CTNS: variants seen among roughly 807,000 people sequenced by gnomAD.
CTNS encodes the protein cystinosin, lysosomal cystine transporter, also known as cystinosin.
In CTNS, 27 loss-of-function variants were observed where a neutral mutation model predicts 43.7. The ratio of observed to expected loss-of-function variants is 0.62; its 90% CI spans 0.46 to 0.85. CTNS has a LOEUF of 0.85. CTNS is among the 40% of genes least tolerant of loss of function. CTNS has a pLI of 0.00. For synonymous variants in CTNS, 187 were observed against 190.6 expected (o/e 0.98, Z 0.16); for missense variants, 457 against 475.4 (o/e 0.96, Z 0.36).
In CTNS at chr17:3,656,747, C is replaced by T. The variant is rs150428029; in HGVS notation, c.633C>T (p.His211=). 20 of 1,613,422 alleles carry T rather than the reference C, an allele frequency of 1.2e-5. No individual in the cohort carries two copies. Among genetic ancestry groups the T allele is most frequent in the African/African-American group, 1.2e-4 (9 of 74,890 alleles). The change falls in exon 9 of 12, where the codon CAC becomes CAT. Residue 211 remains histidine (H), a synonymous_variant. Coordinates refer to ENST00000046640, the MANE Select transcript of CTNS (RefSeq NM_004937.3). ...VNSNDVFFSL[H]AVVLTLIIIV... ...GCAACGACGTCTTCTTCAGCCTGCA[C>T]GCGGTTGTCCTCACGCTGATCATCA...
At chr17:3,645,440 G>A (rs754050972) in intron 3 of CTNS, among the ~76,000 whole-genome samples, 3 of 152,202 alleles carry the variant, frequency 2.0e-5, no homozygotes, top group Non-Finnish European at 4.4e-5. Context: ...CTGGGTAGCA[G>A]AGCCTGGCCT....
chr17:3,637,758 C>A (rs916961746), intron 2 of CTNS, among the ~76,000 whole-genome samples: 4 of 152,140 alleles, frequency 2.6e-5, no homozygotes, highest in African/African-American at 7.2e-5. Context: ...TGAGCCACCG[C>A]GCCCAGCCTA....
At chr17:3,639,084 A>T (rs991354613) in intron 2 of CTNS, among the ~76,000 whole-genome samples, 2 of 152,078 alleles carry the variant, frequency 1.3e-5, no homozygotes, top group African/African-American at 4.8e-5. Context: ...GCCTTGGGGA[A>T]ACTGAAATCA....
chr17:3,650,956 C>T (rs1267545833), intron 5 of CTNS, among the ~76,000 whole-genome samples: 3 of 152,030 alleles, frequency 2.0e-5, no homozygotes. Flanking sequence ...GCGCCCACCA[C>T]CAGGCCCAGC....
At chr17:3,645,797 T>A (rs923624794) in intron 3 of CTNS, among the ~76,000 whole-genome samples, 8 of 150,322 alleles carry the variant, frequency 5.3e-5, no homozygotes, top group Non-Finnish European at 8.9e-5. Context: ...GAGGCAGAGG[T>A]TGCAGTGAGC....
At chr17:3,637,742 CA>C (rs1203509729) in intron 2 of CTNS, among the ~76,000 whole-genome samples, 5 of 152,298 alleles carry the variant, frequency 3.3e-5, no homozygotes, top group South Asian at 4.1e-4. Flanking sequence ...GCTGGGATGA[CA>C]GGCGTGAGCC....
chr17:3,655,086 A>C lies in CTNS; in HGVS notation c.314A>C (p.His105Pro). The C allele has an allele frequency of 6.2e-7, 1 of 1,613,786 alleles. No homozygotes were observed. The highest frequency in any genetic ancestry group is 8.5e-7 in the Non-Finnish European group (1 of 1,179,824). The change falls in exon 6 of 12, where the codon CAC (histidine) becomes CCC (proline). Residue 105 changes from histidine to proline, a missense_variant. Transcript: ENST00000046640. ...CTTACTGTTTATCTACATGGAAATC[A>C]CTCCAATCAGACCGGGTAGGCTGGC... ...GQLTVYLHGN[H>P]SNQTGPRIRF...
chr17:3,657,879 G>A, intron 9 of CTNS, 126 bp from the exon 10 acceptor site: 3 of 1,024,948 alleles, frequency 2.9e-6, no homozygotes, highest in Non-Finnish European at 4.5e-6. Context: ...CCTTGCAGGG[G>A]CTCCTTCAAG....
chr17:3,656,693 A>G lies in CTNS; in HGVS notation c.579A>G (p.Lys193=). 2 of 1,612,886 alleles carry G rather than the reference A, an allele frequency of 1.2e-6. No individual in the cohort carries two copies. The highest frequency in any genetic ancestry group is 1.7e-6 in the Non-Finnish European group (2 of 1,179,802). ...VPYIKEQFLL[K]YPNGVNPVNS... is the part of the protein sequence containing the mutation. The stretch of plus-strand genomic sequence containing the variant: ...CCAAACAGGAGCAGTTTCTCCTCAA[A>G]TACCCCAACGGAGTGAACCCCGTGA... Residue 193 remains lysine, a synonymous_variant, in exon 9 of 12, where the codon AAA becomes AAG. Transcript: ENST00000046640.
chr17:3,637,669 G>T (rs1440382945), intron 2 of CTNS, among the ~76,000 whole-genome samples: 1 of 152,100 alleles, frequency 6.6e-6, no homozygotes, highest in East Asian at 1.9e-4. Context: ...GATTCACCAT[G>T]TTGGCCAGGC....
chr17:3,656,012 C>A (rs996083578), intron 7 of CTNS: 1 of 316,552 alleles, frequency 3.2e-6, no homozygotes. Context: ...TTCCCCGTGG[C>A]CTGGGAGCCC....
chr17:3,638,748 C>T (rs2075602738), intron 2 of CTNS, among the ~76,000 whole-genome samples: 1 of 152,176 alleles, frequency 6.6e-6, no homozygotes. Context: ...GAATCCTGAA[C>T]TTGAGGCCAC....
chr17:3,644,024 T>C (rs181550590), intron 3 of CTNS, among the ~76,000 whole-genome samples: 7 of 152,126 alleles, frequency 4.6e-5, no homozygotes, highest in Non-Finnish European at 8.8e-5. Context: ...CAGGATGGTG[T>C]TGTGACTCAT....
At position 3,660,936 on chromosome 17, in the gene CTNS, C is replaced by T; in HGVS notation, c.*567C>T. The T allele has an allele frequency of 2.7e-6, 2 of 749,768 alleles. No individual in the cohort carries two copies. The allele number at this position is 749,768 out of a possible 1,614,324, so 46.4% of individuals were successfully genotyped here. A position where few individuals can be genotyped will look rare whatever the true frequency, so the allele number is the denominator to read the frequency against. On this transcript the variant is annotated 3_prime_UTR_variant, in exon 12 of 12. Transcript: ENST00000046640. ...AACTCAGCGTCCGTGACTGCAGTAACAGCCAGCCCTACCCAGAGTATTTCT... is the reference window on the plus strand; with the variant it reads ...AACTCAGCGTCCGTGACTGCAGTAATAGCCAGCCCTACCCAGAGTATTTCT...
chr17:3,643,646 A>C (rs945331117), intron 3 of CTNS, among the ~76,000 whole-genome samples: 3 of 152,022 alleles, frequency 2.0e-5, no homozygotes, highest in Non-Finnish European at 2.9e-5. Context: ...AGTTCACTGC[A>C]ACCTCTGCCT....
At position 3,640,314 on chromosome 17, in the gene CTNS, G is replaced by A; in HGVS notation, c.61+47G>A. ...CAACTTTGTAAAGAGGGAAATGGTG[G>A]CTAGAGGAAGGAGTAATCTGATCTG... On this transcript the variant is annotated intron_variant, in intron 3 of 11. Coordinates refer to ENST00000046640, the MANE Select transcript of CTNS (RefSeq NM_004937.3). 1 of 1,551,620 alleles carries A rather than the reference G, an allele frequency of 6.4e-7. No individual in the cohort carries two copies. The highest frequency in any genetic ancestry group is 1.4e-5 in the African/African-American group (1 of 73,738).
In CTNS at chr17:3,647,603, T is replaced by A. The variant is rs1278133864; in HGVS notation, c.140+81T>A. ...CAGGGCTGACCCCTGGCTCAGTCTG[T>A]TCAGATTTCAGATGCGCTATTCTTG... is the stretch of plus-strand genomic sequence containing the variant. On this transcript the variant is annotated intron_variant, in intron 4 of 11. Coordinates refer to ENST00000046640, the MANE Select transcript of CTNS (RefSeq NM_004937.3). 26 of 1,163,128 alleles carry A rather than the reference T, an allele frequency of 2.2e-5. No homozygotes were observed. The South Asian group carries it at 3.1e-4, about 14-fold the overall frequency. The allele number at this position is 1,163,128 out of a possible 1,614,324, so 72.1% of individuals were successfully genotyped here.
intron 9 of CTNS, chr17:3,657,703 G>A (rs915793442): frequency 8.3e-6 from 4 of 480,546 alleles, no homozygotes; most frequent in African/African-American, 2.0e-5. Flanking sequence ...GCCCAGTTCT[G>A]CCAAGTAGGA....
chr17:3,648,695 C>T (rs1183363639), intron 4 of CTNS, 152 bp from the exon 5 acceptor site: 8 of 726,108 alleles, frequency 1.1e-5, no homozygotes, highest in African/African-American at 8.7e-5. Flanking sequence ...TACGGGAGCA[C>T]GATTTCCACC....
Sources: gnomAD v4.1 joint callset for allele counts (sites outside exome capture counted in the v4.1 genomes callset) on GRCh38, gnomAD v4.1.1 for gene constraint, MANE v1.5 for transcripts, NCBI Gene and HGNC (gene_info 2026-07-23, HGNC 2026-07-21) for gene names.